The following JUP variants were observed in gnomAD, a reference collection of about 807,000 sequenced individuals.
The protein encoded by JUP is junction plakoglobin.
In JUP, 28 loss-of-function variants were observed where a neutral mutation model predicts 71.1. The observed-to-expected ratio is 0.39, with a 90% CI of 0.29 to 0.54. The LOEUF (loss-of-function observed/expected upper bound fraction) is 0.54, where lower values mean the gene tolerates loss of function less well. Among genes scored for constraint, JUP ranks in the 20% least tolerant of loss-of-function variants. The pLI is 0.62. For missense variants in JUP, 869 were observed against 1,030.1 expected, an observed-to-expected ratio of 0.84 and a Z score of 2.14; for synonymous variants, 401 against 438.9, an observed-to-expected ratio of 0.91 and a Z score of 1.08.
At chr17:41,762,911 C>T (rs1159306610) in intron 8 of JUP, 72 bp downstream of exon 8, 12 of 1,296,972 alleles carry the variant, frequency 9.3e-6, no homozygotes, top group East Asian at 7.0e-5. Flanking sequence ...TTTGCTACAG[C>T]GGCTTTGCCT....
In JUP at chr17:41,769,022, C is replaced by T. The variant is rs112105828; in HGVS notation, c.654G>A (p.Gly218=). The T allele has an allele frequency of 3.2e-5, 51 of 1,611,230 alleles. No individual in the cohort carries two copies. Among genetic ancestry groups the T allele is most frequent in the Middle Eastern group, 3.3e-4 (2 of 6,058 alleles). The change falls in exon 4 of 14, where the codon GGG becomes GGA. Residue 218 remains glycine, a synonymous_variant. Transcript: ENST00000393931. The part of the protein sequence containing the change: ...ILHNLSHHRE[G]LLAIFKSGGI... ...CACCCGACTTGAAGATGGCGAGCAG[C>T]CCCTCCCGGTGGTGGGAGAGGTTGT...
At position 41,763,215 on chromosome 17, in the gene JUP, T is replaced by C; in HGVS notation, c.1265A>G (p.Asn422Ser). 2.5e-6 allele frequency: 4 copies of C among 1,614,224 alleles called. No homozygotes were observed. Among genetic ancestry groups the C allele is most frequent in the Non-Finnish European group, 3.4e-6 (4 of 1,180,038 alleles). ...TGTLSNLTCN[N>S]SKNKTLVTQN... ...TGTCACCAGCGTCTTGTTCTTGCTG[T>C]TGTTGCATGTCAGGTTGGAGAGTGT... is the stretch of plus-strand genomic sequence containing the variant. Residue 422 changes from asparagine (N) to serine (S), a missense_variant, in exon 8 of 14, where the codon AAC becomes AGC. Physicochemically the swap from Asn to Ser is conservative, Grantham distance 46 (BLOSUM62 1). Transcript: ENST00000393931.
chr17:41,782,949 T>C (rs2047240132), intron 1 of JUP, among the ~76,000 whole-genome samples: 1 of 151,726 alleles, frequency 6.6e-6, no homozygotes, highest in Non-Finnish European at 1.5e-5. Flanking sequence ...ATACAAAAAT[T>C]AGCCTAGTGT....
chr17:41,783,083 C>T (rs1216717467), intron 1 of JUP, among the ~76,000 whole-genome samples: 5 of 145,138 alleles, frequency 3.4e-5, no homozygotes, highest in Admixed American at 6.9e-5. Flanking sequence ...GGTGGCAGAG[C>T]GTGACTCCAT....
intron 2 of JUP, among the ~76,000 whole-genome samples, chr17:41,770,808 T>C (rs1219511522): frequency 6.6e-6 from 1 of 152,206 alleles, no homozygotes; most frequent in Non-Finnish European, 1.5e-5. Flanking sequence ...CCTTGGCCTA[T>C]CTGCAGGTCA....
intron 1 of JUP, among the ~76,000 whole-genome samples, chr17:41,780,255 G>A (rs1282647912): frequency 2.0e-5 from 3 of 152,008 alleles, no homozygotes; most frequent in Non-Finnish European, 2.9e-5. Flanking sequence ...AAAATTAGCT[G>A]GGCATGGTGG....
intron 7 of JUP, among the ~76,000 whole-genome samples, chr17:41,764,420 A>G (rs191910224): frequency 2.6e-5 from 4 of 151,820 alleles, no homozygotes; most frequent in African/African-American, 4.8e-5. Context: ...CTGTAGTCCC[A>G]ACTACTCGGG....
At position 41,764,912 on chromosome 17, in the gene JUP, A is replaced by G. The variant is rs1172310053; in HGVS notation, c.1054+11T>C. ...TCCCACCCCAGCCGCCCTCAAGGCC[A>G]TCATACTCACCAGCCTCCACAATGG... is the stretch of plus-strand genomic sequence containing the variant. On this transcript the variant is annotated intron_variant, in intron 6 of 13. Coordinates refer to ENST00000393931, the MANE Select transcript of JUP (RefSeq NM_002230.4). 6 of 1,614,054 alleles carry G rather than the reference A, an allele frequency of 3.7e-6. No individual in the cohort carries two copies. Among genetic ancestry groups the G allele is most frequent in the Non-Finnish European group, 5.1e-6 (6 of 1,180,022 alleles).
At chr17:41,769,326 C>A (rs781860817) in intron 3 of JUP, 92 bp downstream of exon 3, 8 of 1,565,838 alleles carry the variant, frequency 5.1e-6, no homozygotes, top group Non-Finnish European at 6.9e-6. Flanking sequence ...TGGGTCATAA[C>A]CTCCCTCCAC....
chr17:41,763,310 C>G lies in JUP; in HGVS notation c.1170G>C (p.Glu390Asp), dbSNP rs782357392. 6.2e-7 allele frequency: 1 copy of G among 1,613,882 alleles called. No homozygotes were observed. The highest frequency in any genetic ancestry group is 1.3e-5 in the African/African-American group (1 of 74,926). Residue 390 changes from glutamate to aspartate, a missense_variant, in exon 8 of 14, where the codon GAG (glutamate) becomes GAC (aspartate). Coordinates refer to ENST00000393931, the MANE Select transcript of JUP (RefSeq NM_002230.4). ...GATTCACCAGAATCTTCAGCACACT[C>G]TCCAGGCCCTCCTGGAGGGCAAGGA... ...SDVATKQEGL[E>D]SVLKILVNQL...
chr17:41,755,063 G>A lies in JUP; in HGVS notation c.*681C>T. On this transcript the variant is annotated 3_prime_UTR_variant, in exon 14 of 14. Transcript: ENST00000393931. The stretch of plus-strand genomic sequence containing the variant: ...GGGCCCTGGAGGCCCTGGGGGCTTA[G>A]GGCAGTTGGTCGGTGGAGTTCAGTG... 5.2e-6 allele frequency: 2 copies of A among 384,266 alleles called. No individual in the cohort carries two copies. Among genetic ancestry groups the A allele is most frequent in the Non-Finnish European group, 9.2e-6 (2 of 217,248 alleles). The allele number at this position is 384,266 out of a possible 1,614,324, so 23.8% of individuals were successfully genotyped here.
intron 2 of JUP, among the ~76,000 whole-genome samples, chr17:41,770,359 G>A (rs1056705693): frequency 6.6e-6 from 1 of 152,180 alleles, no homozygotes; most frequent in African/African-American, 2.4e-5. Flanking sequence ...AGTCCCACAG[G>A]TAGGTGCCCA....
intron 5 of JUP, among the ~76,000 whole-genome samples, chr17:41,765,285 C>T (rs1915534494): frequency 6.6e-6 from 1 of 152,140 alleles, no homozygotes; most frequent in Non-Finnish European, 1.5e-5. Flanking sequence ...ATCCTCACAC[C>T]TCAGCCTCCC....
chr17:41,771,868 G>A lies in JUP; in HGVS notation c.-8-6C>T. 1 of 1,602,228 alleles carries A rather than the reference G, an allele frequency of 6.2e-7. No individual in the cohort carries two copies. ...CATCACCTCCATCGTGGCTACTGGG[G>A]GCACAAAGGAGGAAGTCAGGAAGCA... On this transcript the variant is annotated splice_region_variant and splice_polypyrimidine_tract_variant and intron_variant, in intron 1 of 13. Transcript: ENST00000393931.
Position 41,758,746 on chromosome 17 carries a change from T to A in JUP, c.1622A>T (p.His541Leu), listed in dbSNP as rs782449369. Residue 541 changes from histidine to leucine, a missense_variant, in exon 9 of 14, where the codon CAC (histidine) becomes CTC (leucine). By Grantham distance (99) the His-to-Leu change is moderately conservative. Transcript: ENST00000393931. ...LVKAHQDAQRHVAAGTQQPYT... is the reference protein window; with the variant it reads ...LVKAHQDAQRLVAAGTQQPYT... ...GGGCTGCTGTGTGCCTGCAGCTACG[T>A]GGCGCTGGGCATCCTGGTGGGCCTT... The A allele has an allele frequency of 8.7e-6, 14 of 1,606,392 alleles. No individual in the cohort carries two copies. The highest frequency in any genetic ancestry group is 1.2e-5 in the Non-Finnish European group (14 of 1,176,554).
At chr17:41,768,404 C>CAAA (rs35253045) in intron 4 of JUP, among the ~76,000 whole-genome samples, 44 of 149,552 alleles carry the variant, frequency 2.9e-4, no homozygotes, top group South Asian at 6.4e-4. Flanking sequence ...CATCTCAAAA[C>CAAA]AAAAAAAAAT....
Position 41,756,312 on chromosome 17 carries a change from G to A in JUP, c.2047-98C>T, listed in dbSNP as rs1455933433. The A allele has an allele frequency of 3.3e-6, 4 of 1,229,248 alleles. No homozygotes were observed. In the African/African-American group the frequency reaches 5.9e-5, roughly 18 times the overall value. 76.1% of individuals were successfully genotyped at this position (1,229,248 alleles called of 1,614,324 possible). A position where few individuals can be genotyped will look rare whatever the true frequency, so the allele number is the denominator to read the frequency against. ...CAGGGAGAGATGCTTCTAAAAGAGG[G>A]GGCCAGGCTGGGTGCCATGGCTCAC... On this transcript the variant is annotated intron_variant, in intron 12 of 13. Coordinates refer to ENST00000393931, the MANE Select transcript of JUP (RefSeq NM_002230.4).
chr17:41,765,637 A>ACCAC (rs370770453), intron 5 of JUP, among the ~76,000 whole-genome samples: 2,644 of 151,822 alleles, frequency 0.017, 30 homozygotes, highest in Non-Finnish European at 0.027. Flanking sequence ...ACAGGCGTGA[A>ACCAC]CCACCACACC....
At chr17:41,769,373 TC>T in intron 3 of JUP, 44 bp downstream of exon 3, 1 of 1,587,334 alleles carries the variant, frequency 6.3e-7, no homozygotes, top group South Asian at 1.1e-5. Context: ...ATCTGCTCTC[TC>T]CCCTCCCTGC....
Sources: allele counts gnomAD v4.1 joint callset (sites outside exome capture counted in the v4.1 genomes callset), GRCh38; gene constraint gnomAD v4.1.1; transcripts MANE v1.5; gene names NCBI Gene and HGNC (gene_info 2026-07-23, HGNC 2026-07-21).